Variants in ATP6V0D2 observed in about 807,000 individuals in gnomAD.
ATP6V0D2 encodes the protein ATPase H+ transporting V0 subunit d2.
A neutral mutation model predicts 40.0 loss-of-function variants in ATP6V0D2; 40 were observed. That is an observed-to-expected ratio of 1.00 (90% CI 0.78 to 1.30). The LOEUF is 1.30. Ranked by LOEUF, ATP6V0D2 falls within the 50% of genes most tolerant of loss-of-function variation. The pLI, the probability that ATP6V0D2 is intolerant of heterozygous loss-of-function variation, is 0.00. For missense variants in ATP6V0D2, 470 were observed against 423.1 expected, an observed-to-expected ratio of 1.11 and a Z score of -0.97; for synonymous variants, 179 against 156.3, an observed-to-expected ratio of 1.15 and a Z score of -1.08.
intron 2 of ATP6V0D2, among the ~76,000 whole-genome samples, chr8:86,136,940 T>C (rs1818905369): frequency 1.3e-5 from 2 of 152,186 alleles, no homozygotes; most frequent in African/African-American, 4.8e-5. Context: ...CGACCTTGCC[T>C]TGTCAACTGC....
chr8:86,103,633 G>GT (rs1040202199), intron 1 of ATP6V0D2, among the ~76,000 whole-genome samples: 2 of 152,020 alleles, frequency 1.3e-5, no homozygotes, highest in Non-Finnish European at 2.9e-5. Context: ...ACAAGATAGA[G>GT]TCCCTGCCCT....
intron 1 of ATP6V0D2, among the ~76,000 whole-genome samples, chr8:86,106,618 C>G (rs1166720784): frequency 6.6e-6 from 1 of 152,084 alleles, no homozygotes; most frequent in East Asian, 1.9e-4. Context: ...ATAGTTCTTT[C>G]CATTTTATGG....
intron 2 of ATP6V0D2, among the ~76,000 whole-genome samples, chr8:86,134,798 T>G (rs954122058): frequency 1.3e-5 from 2 of 152,308 alleles, no homozygotes; most frequent in Non-Finnish European, 1.5e-5. Flanking sequence ...GGTGAATGGT[T>G]AAATACACTG....
At chr8:86,132,246 G>C (rs1186488408) in intron 2 of ATP6V0D2, among the ~76,000 whole-genome samples, 1 of 151,976 alleles carries the variant, frequency 6.6e-6, no homozygotes, top group Admixed American at 6.6e-5. Context: ...TGGGGTCCAT[G>C]CAATTTTTTT....
chr8:86,104,951 C>T (rs1818450631), intron 1 of ATP6V0D2, among the ~76,000 whole-genome samples: 1 of 151,964 alleles, frequency 6.6e-6, no homozygotes, highest in Non-Finnish European at 1.5e-5. Flanking sequence ...GTAAGCCCTT[C>T]GTCAGAATGT....
intron 1 of ATP6V0D2, among the ~76,000 whole-genome samples, chr8:86,108,835 G>T (rs1818501166): frequency 6.6e-6 from 1 of 152,162 alleles, no homozygotes; most frequent in Non-Finnish European, 1.5e-5. Flanking sequence ...TTCCCTTCAT[G>T]CAGTGACCAC....
intron 5 of ATP6V0D2, among the ~76,000 whole-genome samples, chr8:86,149,327 G>A (rs745803190): frequency 1.3e-5 from 2 of 151,968 alleles, no homozygotes; most frequent in Non-Finnish European, 2.9e-5. Context: ...GAATAGAAAC[G>A]AAATTTCAAG....
intron 2 of ATP6V0D2, among the ~76,000 whole-genome samples, chr8:86,121,633 GAAA>G (rs1818672543): frequency 6.7e-6 from 1 of 150,140 alleles, no homozygotes; most frequent in African/African-American, 2.5e-5. Flanking sequence ...GAGAAAGAAG[GAAA>G]AGGAGAAGGA....
At chr8:86,151,409 T>G (rs1301092363) in intron 6 of ATP6V0D2, 57 bp from the exon 7 acceptor site, 1 of 1,143,748 alleles carries the variant, frequency 8.7e-7, no homozygotes, top group Non-Finnish European at 1.2e-6. Flanking sequence ...AAAAATATAT[T>G]TATATACATT....
At chr8:86,105,636 T>TTTTTG (rs56658905) in intron 1 of ATP6V0D2, among the ~76,000 whole-genome samples, 1 of 147,846 alleles carries the variant, frequency 6.8e-6, no homozygotes, top group Non-Finnish European at 1.5e-5. Context: ...TTTTTTTTTT[T>TTTTTG]GAGATGGATT....
chr8:86,149,198 G>A (rs535464295), intron 5 of ATP6V0D2, among the ~76,000 whole-genome samples: 68 of 152,042 alleles, frequency 4.5e-4, no homozygotes, highest in African/African-American at 1.3e-3. Flanking sequence ...GAAGAGCTGC[G>A]TAGCCCAAGA....
chr8:86,126,569 A>G (rs182899666), intron 2 of ATP6V0D2, among the ~76,000 whole-genome samples: 15 of 152,166 alleles, frequency 9.9e-5, no homozygotes, highest in Non-Finnish European at 2.2e-4. Flanking sequence ...TGTATTAAAT[A>G]TTTGTGAATG....
chr8:86,101,246 G>A (rs1001753466), intron 1 of ATP6V0D2, among the ~76,000 whole-genome samples: 1 of 151,774 alleles, frequency 6.6e-6, no homozygotes, highest in African/African-American at 2.4e-5. Context: ...ACTGCTTGAG[G>A]CCAGGAGTTC....
intron 1 of ATP6V0D2, among the ~76,000 whole-genome samples, chr8:86,100,386 A>C (rs1818380190): frequency 6.6e-6 from 1 of 152,166 alleles, no homozygotes; most frequent in East Asian, 1.9e-4. Context: ...AGCACTAAGA[A>C]TAAAGCCTCC....
At chr8:86,128,472 C>G (rs1028469660) in intron 2 of ATP6V0D2, among the ~76,000 whole-genome samples, 1 of 152,218 alleles carries the variant, frequency 6.6e-6, no homozygotes, top group Non-Finnish European at 1.5e-5. Flanking sequence ...TAAATGTTCT[C>G]TCAGGCCCAA....
intron 1 of ATP6V0D2, among the ~76,000 whole-genome samples, chr8:86,100,837 A>G (rs1392886958): frequency 3.3e-5 from 5 of 151,956 alleles, no homozygotes; most frequent in Non-Finnish European, 7.4e-5. Flanking sequence ...CAAGGAATAC[A>G]TAAAATATCT....
Position 86,143,657 on chromosome 8 carries a change from C to A in ATP6V0D2, c.639+703C>A, listed in dbSNP as rs148407624. On this transcript the variant is annotated intron_variant, in intron 5 of 7. Coordinates refer to ENST00000285393, the MANE Select transcript of ATP6V0D2 (RefSeq NM_152565.1). ...GGTTTAGCCAGCTTCTTTACTGCAACCTGTTTTATCAGCAAAGTGTTTATG... is the reference window on the plus strand; with the variant it reads ...GGTTTAGCCAGCTTCTTTACTGCAAACTGTTTTATCAGCAAAGTGTTTATG... 8.1e-4 allele frequency among the ~76,000 whole-genome samples: 124 copies of A among 152,270 alleles called. No individual in the cohort carries two copies. The East Asian group carries it at 0.022, about 27-fold the overall frequency.
At chr8:86,108,342 A>G (rs949109714) in intron 1 of ATP6V0D2, among the ~76,000 whole-genome samples, 2 of 151,890 alleles carry the variant, frequency 1.3e-5, no homozygotes, top group African/African-American at 2.4e-5. Flanking sequence ...GGGTTTTGCC[A>G]TGTTGCCCAG....
chr8:86,152,749 A>G, intron 7 of ATP6V0D2, 67 bp from the exon 8 acceptor site: 1 of 1,466,792 alleles, frequency 6.8e-7, no homozygotes, highest in Non-Finnish European at 9.1e-7. Flanking sequence ...GCCAGTCAGT[A>G]GCTTAATATT....
Sources: allele counts gnomAD v4.1 joint callset (sites outside exome capture counted in the v4.1 genomes callset), GRCh38; gene constraint gnomAD v4.1.1; transcripts MANE v1.5; gene names NCBI Gene and HGNC (gene_info 2026-07-23, HGNC 2026-07-21).